PXK: variants seen among roughly 807,000 people sequenced by gnomAD.
PXK encodes the protein PX domain-containing protein kinase-like protein.
A neutral mutation model predicts 84.7 loss-of-function variants in PXK; 35 were observed. That is an observed-to-expected ratio of 0.41 (90% CI 0.32 to 0.55). PXK has a LOEUF of 0.55. Ranked by LOEUF, PXK falls within the 20% of genes least tolerant of loss-of-function variation. The pLI, the probability that PXK is intolerant of heterozygous loss-of-function variation, is 0.21. For synonymous variants in PXK, 253 were observed against 260.8 expected, an observed-to-expected ratio of 0.97 and a Z score of 0.29; for missense variants, 634 against 699.7, an observed-to-expected ratio of 0.91 and a Z score of 1.06.
intron 3 of PXK, among the ~76,000 whole-genome samples, chr3:58,378,617 C>T (rs1259654548): frequency 6.7e-6 from 1 of 148,722 alleles, no homozygotes; most frequent in East Asian, 2.1e-4. Flanking sequence ...TCACCGCAAC[C>T]TCTGCCTCCC....
chr3:58,422,360 C>G, intron 17 of PXK: 1 of 985,320 alleles, frequency 1.0e-6, no homozygotes, highest in Non-Finnish European at 1.2e-6. Flanking sequence ...TGTTGTAGGC[C>G]CAGTGAGGAA....
chr3:58,378,520 G>T (rs1282451586), intron 3 of PXK, among the ~76,000 whole-genome samples: 179 of 33,868 alleles, frequency 5.3e-3, no homozygotes, highest in Admixed American at 0.01. Context: ...TTTTGTGTGT[G>T]TGTGTGTGTG....
intron 2 of PXK, among the ~76,000 whole-genome samples, chr3:58,366,322 A>G (rs915256592): frequency 1.3e-5 from 2 of 152,134 alleles, no homozygotes; most frequent in African/African-American, 2.4e-5. Flanking sequence ...ACTACATTTT[A>G]TGGATCTCAG....
chr3:58,417,758 G>C (rs1236806217), intron 17 of PXK, among the ~76,000 whole-genome samples: 1 of 152,164 alleles, frequency 6.6e-6, no homozygotes, highest in African/African-American at 2.4e-5. Context: ...TCTATTCATA[G>C]AACTGATTGG....
chr3:58,395,167 T>TA, intron 8 of PXK, 65 bp downstream of exon 8: 1 of 1,218,888 alleles, frequency 8.2e-7, no homozygotes, highest in South Asian at 1.3e-5. Flanking sequence ...TATTGATACT[T>TA]AGTCTCTAAG....
intron 13 of PXK, among the ~76,000 whole-genome samples, chr3:58,404,840 T>C (rs2059149575): frequency 6.6e-6 from 1 of 152,250 alleles, no homozygotes; most frequent in Non-Finnish European, 1.5e-5. Context: ...TAGAAGACTG[T>C]GTCAGTGAGA....
intron 1 of PXK, among the ~76,000 whole-genome samples, chr3:58,365,468 A>T (rs1049900952): frequency 5.3e-5 from 8 of 152,186 alleles, no homozygotes; most frequent in Admixed American, 6.5e-5. Flanking sequence ...TACTGGATGG[A>T]GTGCTCTATA....
intron 2 of PXK, among the ~76,000 whole-genome samples, chr3:58,367,394 G>A (rs1186913075): frequency 2.6e-5 from 4 of 151,838 alleles, no homozygotes; most frequent in Admixed American, 2.0e-4. Context: ...ACAGGCACCC[G>A]CCACCACGCC....
rs2098482246 is a variant in PXK, at chr3:58,379,924, A to T, written c.202-2590A>T. On this transcript the variant is annotated intron_variant, in intron 3 of 17. Transcript: ENST00000356151. The surrounding 1 kb of genome is among the most constrained non-coding windows in gnomAD (Gnocchi z 5.1). ...GAGGTCGAGGCTACAGTGAGCGGTGATCATGCCACTGCACTTTAGCCTGGG... is the reference window on the plus strand; with the variant it reads ...GAGGTCGAGGCTACAGTGAGCGGTGTTCATGCCACTGCACTTTAGCCTGGG... Among the ~76,000 whole-genome samples, 1 of 152,086 alleles carries T rather than the reference A, an allele frequency of 6.6e-6. No homozygotes were observed. The highest frequency in any genetic ancestry group is 2.1e-4 in the South Asian group (1 of 4,820).
intron 1 of PXK, among the ~76,000 whole-genome samples, chr3:58,349,909 A>G (rs1575788873): frequency 6.6e-6 from 1 of 152,302 alleles, no homozygotes; most frequent in East Asian, 1.9e-4. Flanking sequence ...AGAACCTGCT[A>G]GCCCTGCAGC....
At position 58,364,953 on chromosome 3, in the gene PXK, G is replaced by A. The variant is rs571196409; in HGVS notation, c.103-921G>A. The stretch of plus-strand genomic sequence containing the variant: ...TTTGTCCATTTTTGTCAATTTTATT[G>A]GTCTTTTCAAATAATCAGCTTTTTA... On this transcript the variant is annotated intron_variant, in intron 1 of 17. Coordinates refer to ENST00000356151, the MANE Select transcript of PXK (RefSeq NM_017771.5). This position sits in a 1 kb window ranked among gnomAD's most constrained non-coding sequence, Gnocchi z 4.3. Among the ~76,000 whole-genome samples, 8 of 151,554 alleles carry A rather than the reference G, an allele frequency of 5.3e-5. No individual in the cohort carries two copies. Among genetic ancestry groups the A allele is most frequent in the Non-Finnish European group, 1.0e-4 (7 of 67,862 alleles).
intron 7 of PXK, among the ~76,000 whole-genome samples, chr3:58,393,804 G>A (rs1252098241): frequency 2.0e-5 from 3 of 152,120 alleles, no homozygotes; most frequent in Non-Finnish European, 4.4e-5. Flanking sequence ...AACATTTAAT[G>A]TGATTTTCTA....
intron 1 of PXK, among the ~76,000 whole-genome samples, chr3:58,360,144 T>C (rs2098157904): frequency 6.6e-6 from 1 of 151,816 alleles, no homozygotes; most frequent in Admixed American, 6.6e-5. Flanking sequence ...TAAAAAAAAA[T>C]AGAGGGAGAG....
intron 1 of PXK, among the ~76,000 whole-genome samples, chr3:58,338,316 CAAAA>C (rs538241350): frequency 5.3e-5 from 5 of 95,096 alleles, no homozygotes; most frequent in Non-Finnish European, 9.1e-5. Context: ...CTCTCCGTCT[CAAAA>C]AAAAAAAAAA....
chr3:58,341,147 T>C (rs1275568194), intron 1 of PXK, among the ~76,000 whole-genome samples: 1 of 152,132 alleles, frequency 6.6e-6, no homozygotes, highest in African/African-American at 2.4e-5. Flanking sequence ...TGCTTTATCT[T>C]TGGTAAATAC....
intron 3 of PXK, among the ~76,000 whole-genome samples, chr3:58,373,342 T>C (rs2098404527): frequency 1.3e-5 from 2 of 152,198 alleles, no homozygotes; most frequent in Admixed American, 1.3e-4. Context: ...CCCAAAGTGC[T>C]GGGATTACAG....
Position 58,395,026 on chromosome 3 carries a change from C to T in PXK, c.644C>T (p.Ala215Val), listed in dbSNP as rs1476540742. 6.2e-7 allele frequency: 1 copy of T among 1,613,300 alleles called. No individual in the cohort carries two copies. Among genetic ancestry groups the T allele is most frequent in the Admixed American group, 1.7e-5 (1 of 60,006 alleles). The change falls in exon 8 of 18, where the codon GCC becomes GTC. Residue 215 changes from alanine (A) to valine (V), a missense_variant. Around this residue, in one of 3 missense-constraint regions of PXK, gnomAD observed 353 missense variants for 385.2 expected, o/e 0.92. Coordinates refer to ENST00000356151, the MANE Select transcript of PXK (RefSeq NM_017771.5). ...CCTTACATCTATCGGGTTACCTTTG[C>T]CACAGCTAATGAATCCTCAGCGTTG... ...LHPYIYRVTF[A>V]TANESSALLI...
At chr3:58,420,507 CTT>C (rs1560151785) in intron 17 of PXK, 1 of 1,535,658 alleles carries the variant, frequency 6.5e-7, no homozygotes, top group Admixed American at 2.0e-5. Context: ...TGTGTCCCCC[CTT>C]TCTCTCTCTC....
At chr3:58,363,949 G>A (rs2098230747) in intron 1 of PXK, among the ~76,000 whole-genome samples, 11 of 152,070 alleles carry the variant, frequency 7.2e-5, no homozygotes, top group Admixed American at 7.2e-4. Context: ...ATCATGAAAG[G>A]ATGTTGAGTT....
Sources: gnomAD v4.1 joint callset for allele counts (sites outside exome capture counted in the v4.1 genomes callset) on GRCh38, gnomAD v4.1.1 for gene constraint, gnomAD v4.1.1 regional missense constraint, Gnocchi (gnomAD v3.1) non-coding constraint, MANE v1.5 for transcripts, NCBI Gene and HGNC (gene_info 2026-07-23, HGNC 2026-07-21) for gene names.